Variants in CFAP74 observed in about 807,000 individuals in gnomAD.
The protein encoded by CFAP74 is cilia- and flagella-associated protein 74.
In CFAP74, 124 loss-of-function variants were observed where a neutral mutation model predicts 188.9. The observed-to-expected ratio is 0.66, with a 90% CI of 0.57 to 0.76. The LOEUF is 0.76. Ranked by LOEUF, CFAP74 falls within the 30% of genes least tolerant of loss-of-function variation. CFAP74 has a pLI of 0.00. For missense variants in CFAP74, 2,198 were observed against 2,165.2 expected (o/e 1.02, Z -0.30); for synonymous variants, 956 against 916.7 (o/e 1.04, Z -0.77).
rs908720239 is a variant in CFAP74 at position 1,992,276 on chromosome 1, C to T, written c.-19-1301G>A. Among the ~76,000 whole-genome samples the T allele has an allele frequency of 1.1e-4, 17 of 151,700 alleles. 1 individual carries two copies. Among genetic ancestry groups the T allele is most frequent in the East Asian group, 1.9e-4 (1 of 5,132 alleles). The stretch of plus-strand genomic sequence containing the variant: ...AACTTCTGGGCTCAAGCAATCTTCC[C>T]GCCTCAGCTTCACAAGTGCTAAGAC... On this transcript the variant is annotated intron_variant, in intron 1 of 38. Coordinates refer to ENST00000682832, the MANE Select transcript of CFAP74 (RefSeq NM_001304360.2).
chr1:1,922,451 G>A, intron 38 of CFAP74, 63 bp from the exon 39 acceptor site: 2 of 1,550,914 alleles, frequency 1.3e-6, no homozygotes, highest in Non-Finnish European at 8.8e-7. Flanking sequence ...GAGATCTGCT[G>A]TCTTCCCACT....
At position 1,959,022 on chromosome 1, in the gene CFAP74, C is replaced by G. The variant is rs571713496; in HGVS notation, c.1851+98G>C. 5 of 808,692 alleles carry G rather than the reference C, an allele frequency of 6.2e-6. No homozygotes were observed. In the African/African-American group the frequency reaches 8.6e-5, roughly 14 times the overall value. 50.1% of individuals were successfully genotyped at this position (808,692 alleles called of 1,614,324 possible). A position where few individuals can be genotyped will look rare whatever the true frequency, so the allele number is the denominator to read the frequency against. On this transcript the variant is annotated intron_variant, in intron 16 of 38. Transcript: ENST00000682832. ...AGATTGGAGCTTCCACCTGGTCCCC[C>G]CGCCAACCTGCACCCCCTCCCAGGA... is the stretch of plus-strand genomic sequence containing the variant.
Position 1,926,696 on chromosome 1 carries a change from G to T in CFAP74, c.3728C>A (p.Ser1243Tyr). The T allele has an allele frequency of 1.3e-6, 2 of 1,550,172 alleles. No homozygotes were observed. Among genetic ancestry groups the T allele is most frequent in the South Asian group, 2.4e-5 (2 of 84,070 alleles). ...GTTAAAGATGGTCTTGCCTTTATGGGACGTCACCACAACAGATGGTGCCAC... is the reference window on the plus strand; with the variant it reads ...GTTAAAGATGGTCTTGCCTTTATGGTACGTCACCACAACAGATGGTGCCAC... ...PTVAPSVVVT[S>Y]HKGKTIFNFG... Residue 1243 changes from serine (S) to tyrosine (Y), a missense_variant, in exon 30 of 39, where the codon TCC becomes TAC. Ser to Tyr is a moderately radical substitution (Grantham distance 144). Coordinates refer to ENST00000682832, the MANE Select transcript of CFAP74 (RefSeq NM_001304360.2).
At chr1:1,955,303 C>CG (rs1654516089) in intron 18 of CFAP74, 5 of 1,300,160 alleles carry the variant, frequency 3.8e-6, no homozygotes, top group Non-Finnish European at 5.0e-6. Flanking sequence ...GCCCGTTTCT[C>CG]GGCACCTCTC....
chr1:1,966,475 A>G lies in CFAP74; in HGVS notation c.1297T>C (p.Ser433Pro), dbSNP rs1392036423. 6.9e-6 allele frequency: 11 copies of G among 1,601,628 alleles called. No homozygotes were observed. The highest frequency in any genetic ancestry group is 9.4e-6 in the Non-Finnish European group (11 of 1,172,448). ...GGGTCCCCCTGGATAAGCTCACTGGAAACGACTTCCAGCAACCGAGAGGGC... is the reference window on the plus strand; with the variant it reads ...GGGTCCCCCTGGATAAGCTCACTGGGAACGACTTCCAGCAACCGAGAGGGC... ...PGPSRLLEVVSSELIQGDPGA... is the reference protein window; with the variant it reads ...PGPSRLLEVVPSELIQGDPGA... Residue 433 changes from serine to proline, a missense_variant, in exon 12 of 39, where the codon TCC (serine) becomes CCC (proline). Transcript: ENST00000682832.
rs1656386686 is a variant in CFAP74, at chr1:1,975,597, G to C, written c.501-1399C>G. On this transcript the variant is annotated intron_variant, in intron 6 of 38. Transcript: ENST00000682832. The surrounding 1 kb of genome is among the most constrained non-coding windows in gnomAD (Gnocchi z 4.5). ...TTTGTTGGGGTAATTTTAAACAGAG[G>C]GCTCCTTTCCAGGGAGCATGGGTCA... is the stretch of plus-strand genomic sequence containing the variant. 6.6e-6 allele frequency among the ~76,000 whole-genome samples: 1 copy of C among 152,116 alleles called. No individual in the cohort carries two copies.
chr1:1,963,175 G>A (rs772843817), intron 14 of CFAP74, among the ~76,000 whole-genome samples: 53 of 152,148 alleles, frequency 3.5e-4, no homozygotes, highest in Admixed American at 7.9e-4. Context: ...CTCTGACAAG[G>A]TGTGGTGGCT....
At chr1:1,949,922 C>A (rs4648597) in intron 18 of CFAP74, among the ~76,000 whole-genome samples, 1 of 152,090 alleles carries the variant, frequency 6.6e-6, no homozygotes. Flanking sequence ...ACTCCCCACG[C>A]GTGGGACATT....
Position 1,964,923 on chromosome 1 carries a change from G to A in CFAP74, c.1540C>T (p.Pro514Ser). The A allele has an allele frequency of 6.2e-7, 1 of 1,613,872 alleles. No homozygotes were observed. Among genetic ancestry groups the A allele is most frequent in the Non-Finnish European group, 8.5e-7 (1 of 1,179,950 alleles). The stretch of plus-strand genomic sequence containing the variant: ...AGGAGCTCCGGTTTGCTGTTGAAGG[G>A]GCGTCCTTGGAACTCACGCCCCCAC... ...VVWGREFQGR[P>S]FNSKPELLHF... is the part of the protein sequence containing the mutation. The change falls in exon 13 of 39, where the codon CCC (proline) becomes TCC (serine). Residue 514 changes from proline to serine, a missense_variant. Transcript: ENST00000682832.
chr1:1,995,668 G>C (rs1379558937), intron 1 of CFAP74, among the ~76,000 whole-genome samples: 1 of 151,932 alleles, frequency 6.6e-6, no homozygotes, highest in African/African-American at 2.4e-5. Flanking sequence ...CCAGCATTTT[G>C]GGAGGCAGAG....
At position 1,955,348 on chromosome 1, in the gene CFAP74, C is replaced by A. The variant is rs891716382; in HGVS notation, c.2176+343G>T. The A allele has an allele frequency of 3.0e-6, 4 of 1,313,034 alleles. No homozygotes were observed. In the African/African-American group the frequency reaches 4.5e-5, roughly 15 times the overall value. The allele number at this position is 1,313,034 out of a possible 1,614,324, so 81.3% of individuals were successfully genotyped here. ...GCGCGTCTAACAACAGCCACAGCTG[C>A]AGAGCTAGACAGAAGCCCCCCGCAG... On this transcript the variant is annotated intron_variant, in intron 18 of 38. Coordinates refer to ENST00000682832, the MANE Select transcript of CFAP74 (RefSeq NM_001304360.2).
At position 1,968,113 on chromosome 1, in the gene CFAP74, GAATGAAGA is replaced by G. The variant is rs1655612623; in HGVS notation, c.1245+514_1245+521del. 6.7e-6 allele frequency among the ~76,000 whole-genome samples: 1 copy of G among 149,666 alleles called. No homozygotes were observed. Among genetic ancestry groups the G allele is most frequent in the Admixed American group, 6.7e-5 (1 of 15,018 alleles). ...TGAATGAGTGAATGAATGAGTGAAT[GAATGAAGA>G]ATGAGTGAGTGAATGAATGAAGAAA... is the stretch of plus-strand genomic sequence containing the variant. On this transcript the variant is annotated intron_variant, in intron 11 of 38. Coordinates refer to ENST00000682832, the MANE Select transcript of CFAP74 (RefSeq NM_001304360.2). The surrounding 1 kb of genome is among the most constrained non-coding windows in gnomAD (Gnocchi z 4.3).
chr1:1,939,632 G>A lies in CFAP74; in HGVS notation c.2839C>T (p.Leu947Phe). Residue 947 changes from leucine (L) to phenylalanine (F), a missense_variant, in exon 24 of 39, where the codon CTC becomes TTC. Physicochemically the swap from Leu to Phe is conservative, Grantham distance 22. Coordinates refer to ENST00000682832, the MANE Select transcript of CFAP74 (RefSeq NM_001304360.2). ...RTEISLHNHS[L>F]LPQEFGFVRL... ...ACGAACCCGAACTCCTGGGGCAGGA[G>A]CGAGTGGTTGTGGAGGCTGATTTCC... The A allele has an allele frequency of 4.6e-6, 7 of 1,536,104 alleles. No homozygotes were observed. Among genetic ancestry groups the A allele is most frequent in the South Asian group, 1.2e-5 (1 of 84,056 alleles).
rs560651976 is a variant in CFAP74, at chr1:1,980,139, C to T, written c.500+5247G>A. The stretch of plus-strand genomic sequence containing the variant: ...CAGATCGCAGTGGGCGCCCTCTTAC[C>T]GCGTGGGGAGGACGGGTGAACGAGA... On this transcript the variant is annotated intron_variant, in intron 6 of 38. Transcript: ENST00000682832. 3.2e-3 allele frequency among the ~76,000 whole-genome samples: 303 copies of T among 94,680 alleles called. 6 individuals are homozygous for T. The highest frequency in any genetic ancestry group is 0.012 in the African/African-American group (286 of 24,156). 62.1% of individuals were successfully genotyped at this position (94,680 alleles called of 152,430 possible). A position where few individuals can be genotyped will look rare whatever the true frequency, so the allele number is the denominator to read the frequency against.
chr1:1,983,012 G>A (rs1236899971), intron 6 of CFAP74, among the ~76,000 whole-genome samples: 6 of 152,228 alleles, frequency 3.9e-5, no homozygotes, highest in African/African-American at 9.6e-5. Flanking sequence ...CGGCAGACAC[G>A]AACGCAGGAT....
rs1280648375 is a variant in CFAP74, at chr1:1,968,087, GTGAATGAGTGAA to G, written c.1245+536_1245+547del. ...GAATGAATGAGTGAATGAGTAAAGA[GTGAATGAGTGAA>G]TGAATGAGTGAATGAATGAAGAATG... is the stretch of plus-strand genomic sequence containing the variant. On this transcript the variant is annotated intron_variant, in intron 11 of 38. Coordinates refer to ENST00000682832, the MANE Select transcript of CFAP74 (RefSeq NM_001304360.2). The surrounding 1 kb of genome is among the most constrained non-coding windows in gnomAD (Gnocchi z 4.3). 1.2e-4 allele frequency among the ~76,000 whole-genome samples: 18 copies of G among 152,044 alleles called. No individual in the cohort carries two copies. Among genetic ancestry groups the G allele is most frequent in the African/African-American group, 3.4e-4 (14 of 41,444 alleles).
chr1:1,954,805 T>C lies in CFAP74; in HGVS notation c.2176+886A>G, dbSNP rs111920116. 3.1e-3 allele frequency: 3,452 copies of C among 1,120,574 alleles called. 68 individuals are homozygous for C. In the African/African-American group the frequency reaches 0.038, roughly 12 times the overall value. The allele number at this position is 1,120,574 out of a possible 1,614,324, so 69.4% of individuals were successfully genotyped here. On this transcript the variant is annotated intron_variant, in intron 18 of 38. Coordinates refer to ENST00000682832, the MANE Select transcript of CFAP74 (RefSeq NM_001304360.2). ...ACATAAAAAGAACTCACTTTGGTAT[T>C]AGCTGATGCCAGTGAGGCTGGCTAT...
chr1:1,955,749 C>T lies in CFAP74; in HGVS notation c.2118G>A (p.Met706Ile). Residue 706 changes from methionine to isoleucine, a missense_variant, in exon 18 of 39, where the codon ATG (methionine) becomes ATA (isoleucine). Transcript: ENST00000682832. Reference sequence around the variant, plus strand: ...GCTTCTCCAGCTCCTTCCGGCTCTGCATGTCCGCCTGGGAGGACTCCGTGC... The same window carrying T: ...GCTTCTCCAGCTCCTTCCGGCTCTGTATGTCCGCCTGGGAGGACTCCGTGC... ...LEGTESSQAD[M>I]QSRKELEKLD... 6.2e-7 allele frequency: 1 copy of T among 1,614,226 alleles called. No homozygotes were observed. The highest frequency in any genetic ancestry group is 1.1e-5 in the South Asian group (1 of 91,088).
chr1:1,955,903 C>T, intron 17 of CFAP74, 53 bp from the exon 18 acceptor site: 1 of 1,559,506 alleles, frequency 6.4e-7, no homozygotes, highest in South Asian at 1.2e-5. Flanking sequence ...CTCCTTTTCC[C>T]AGTCAGCTGC....
Sources: allele counts gnomAD v4.1 joint callset (sites outside exome capture counted in the v4.1 genomes callset), GRCh38; gene constraint gnomAD v4.1.1; non-coding constraint Gnocchi (gnomAD v3.1); transcripts MANE v1.5; gene names NCBI Gene and HGNC (gene_info 2026-07-23, HGNC 2026-07-21).